ACOT2: variants seen among roughly 807,000 people sequenced by gnomAD.
The protein encoded by ACOT2 is acyl-coenzyme A thioesterase 2, mitochondrial.
In ACOT2, 15 loss-of-function variants were observed where a neutral mutation model predicts 20.1. That is an observed-to-expected ratio of 0.75 (90% CI 0.50 to 1.15). ACOT2 has a LOEUF of 1.15. Among genes scored for constraint, ACOT2 ranks in the 50% most tolerant of loss-of-function variants. ACOT2 has a pLI of 0.00. For missense variants in ACOT2, 479 were observed against 615.3 expected (o/e 0.78, Z 2.34); for synonymous variants, 252 against 268.4 (o/e 0.94, Z 0.60).
intron 1 of ACOT2, among the ~76,000 whole-genome samples, chr14:73,572,769 C>G (rs1007974952): frequency 6.7e-6 from 1 of 149,442 alleles, no homozygotes; most frequent in Non-Finnish European, 1.5e-5. Context: ...CCTCAGCCTC[C>G]CGAGTAGCTG....
chr14:73,575,503 C>T lies in ACOT2; in HGVS notation c.1442C>T (p.Ser481Leu), dbSNP rs779315637. 58 of 1,510,774 alleles carry T rather than the reference C, an allele frequency of 3.8e-5. No individual in the cohort carries two copies. In the South Asian group the frequency reaches 7.2e-4, roughly 19 times the overall value. The allele number at this position is 1,510,774 out of a possible 1,614,324, so 93.6% of individuals were successfully genotyped here. The change falls in exon 3 of 3, where the codon TCA becomes TTA. Residue 481 changes from serine to leucine, a missense_variant. Around this residue, in one of 4 missense-constraint regions of ACOT2, gnomAD observed 40 missense variants for 93.4 expected, o/e 0.43. Transcript: ENST00000238651. ...GGTGGCCACGAGGGGACAATCCCATCAAAAGTGTAAATTTTATTTGATCAT... is the reference window on the plus strand; with the variant it reads ...GGTGGCCACGAGGGGACAATCCCATTAAAAGTGTAAATTTTATTTGATCAT... ...HLGGHEGTIP[S>L]KV
rs765158390 is a variant in ACOT2, at chr14:73,573,446, G to A, written c.702G>A (p.Glu234=). The change falls in exon 2 of 3, where the codon GAG becomes GAA. Residue 234 remains glutamate (E), a synonymous_variant. Transcript: ENST00000238651. Reference sequence around the variant, plus strand: ...TCGGAACTGGAGGTGGCCTGCTGGAGTATCGGGCTAGTCTGCTGGCTGGGA... The same window carrying A: ...TCGGAACTGGAGGTGGCCTGCTGGAATATCGGGCTAGTCTGCTGGCTGGGA... ...DMFGTGGGLL[E]YRASLLAGKG... The A allele has an allele frequency of 7.4e-6, 12 of 1,613,780 alleles. No homozygotes were observed. The South Asian group carries it at 1.2e-4, about 16-fold the overall frequency.
In ACOT2 at chr14:73,569,610, C is replaced by T. The variant is rs1566858406; in HGVS notation, c.370C>T (p.Leu124=). Residue 124 remains leucine (L), a synonymous_variant, in exon 1 of 3, where the codon CTG becomes TTG. Transcript: ENST00000238651. ...CGCCGACACTCTTGGCGAGCTGGAC[C>T]TGGAGCGCGCGCCCGCGCTGGGCGG... is the stretch of plus-strand genomic sequence containing the variant. ...YRADTLGELD[L]ERAPALGGSF... The T allele has an allele frequency of 7.5e-6, 12 of 1,600,868 alleles. No homozygotes were observed. The highest frequency in any genetic ancestry group is 1.7e-5 in the Admixed American group (1 of 59,168).
chr14:73,573,872 A>C (rs1419417906), intron 2 of ACOT2, among the ~76,000 whole-genome samples: 1 of 151,864 alleles, frequency 6.6e-6, no homozygotes, highest in Non-Finnish European at 1.5e-5. Context: ...GATTACAGGC[A>C]CCTGCCACCA....
At position 73,574,797 on chromosome 14, in the gene ACOT2, T is replaced by C. The variant is rs938929409; in HGVS notation, c.847-111T>C. 8.1e-5 allele frequency: 128 copies of C among 1,571,394 alleles called. 1 individual carries two copies. Among genetic ancestry groups the C allele is most frequent in the Non-Finnish European group, 1.1e-4 (128 of 1,152,902 alleles). On this transcript the variant is annotated intron_variant, in intron 2 of 2. Coordinates refer to ENST00000238651, the MANE Select transcript of ACOT2 (RefSeq NM_006821.6). ...CAAAGTTGCAAATCTGGGTAAATGG[T>C]AGAACCTAGATTCAGACTCAGGTTC...
At position 73,569,598 on chromosome 14, in the gene ACOT2, G is replaced by T. The variant is rs764500380; in HGVS notation, c.358G>T (p.Gly120Cys). ...CGCGCGCTACCGCGCCGACACTCTT[G>T]GCGAGCTGGACCTGGAGCGCGCGCC... ...AHARYRADTL[G>C]ELDLERAPAL... Residue 120 changes from glycine to cysteine, a missense_variant, in exon 1 of 3, where the codon GGC becomes TGC. This residue lies in a region of ACOT2 where 400 missense variants were observed against 395.5 expected (regional missense o/e 1.01). Transcript: ENST00000238651. 1 of 1,601,856 alleles carries T rather than the reference G, an allele frequency of 6.2e-7. No homozygotes were observed. Among genetic ancestry groups the T allele is most frequent in the Non-Finnish European group, 8.5e-7 (1 of 1,176,154 alleles).
Position 73,575,254 on chromosome 14 carries a change from A to T in ACOT2, c.1193A>T (p.Asn398Ile). 1 of 872,330 alleles carries T rather than the reference A, an allele frequency of 1.1e-6. No homozygotes were observed. Among genetic ancestry groups the T allele is most frequent in the South Asian group, 1.7e-5 (1 of 58,518 alleles). The allele number at this position is 872,330 out of a possible 1,614,324, so 54.0% of individuals were successfully genotyped here. Reference protein sequence around the residue: ...DHNWKSEFYANEACKRLQAHG... With the variant: ...DHNWKSEFYAIEACKRLQAHG... ...AACTGGAAGAGTGAGTTCTATGCTA[A>T]TGAGGCCTGTAAACGCTTGCAGGCC... The change falls in exon 3 of 3, where the codon AAT becomes ATT. Residue 398 changes from asparagine (N) to isoleucine (I), a missense_variant. Around this residue, in one of 4 missense-constraint regions of ACOT2, gnomAD observed 40 missense variants for 93.4 expected, o/e 0.43. Coordinates refer to ENST00000238651, the MANE Select transcript of ACOT2 (RefSeq NM_006821.6).
At chr14:73,568,715 T>G (rs1198409557), upstream of ACOT2, among the ~76,000 whole-genome samples, 1 of 151,958 alleles carries the variant, frequency 6.6e-6, no homozygotes, top group African/African-American at 2.4e-5. Context: ...GTCAGGAGTT[T>G]GAGAAATTAC....
At chr14:73,570,472 G>A (rs1436896750) in intron 1 of ACOT2, among the ~76,000 whole-genome samples, 2 of 151,994 alleles carry the variant, frequency 1.3e-5, no homozygotes. Flanking sequence ...GGGAGGCTGA[G>A]GCAGGAGAAT....
Position 73,573,452 on chromosome 14 carries a change from G to A in ACOT2, c.708G>A (p.Arg236=). The change falls in exon 2 of 3, where the codon CGG becomes CGA. Residue 236 remains arginine, a synonymous_variant. Transcript: ENST00000238651. The part of the protein sequence containing the change: ...FGTGGGLLEY[R]ASLLAGKGFA... ...CTGGAGGTGGCCTGCTGGAGTATCG[G>A]GCTAGTCTGCTGGCTGGGAAGGGTT... The A allele has an allele frequency of 1.2e-6, 2 of 1,613,652 alleles. No homozygotes were observed. Among genetic ancestry groups the A allele is most frequent in the Non-Finnish European group, 1.7e-6 (2 of 1,179,704 alleles).
At chr14:73,570,976 CTTT>C (rs369680117) in intron 1 of ACOT2, among the ~76,000 whole-genome samples, 6 of 74,366 alleles carry the variant, frequency 8.1e-5, no homozygotes, top group African/African-American at 3.2e-4. Flanking sequence ...TAGGAAGCCA[CTTT>C]TTTTTTTTTT....
Position 73,569,707 on chromosome 14 carries a change from T to A in ACOT2, c.467T>A (p.Val156Glu), listed in dbSNP as rs770195402. 3 of 1,602,136 alleles carry A rather than the reference T, an allele frequency of 1.9e-6. No homozygotes were observed. Among genetic ancestry groups the A allele is most frequent in the East Asian group, 2.3e-5 (1 of 44,066 alleles). ...LEPEKPLVRLVKRDVRTPLAV... is the reference protein window; with the variant it reads ...LEPEKPLVRLEKRDVRTPLAV... ...CCCGAGAAACCTTTGGTGCGGCTGG[T>A]GAAGCGCGACGTGCGAACGCCCTTG... The change falls in exon 1 of 3, where the codon GTG (valine) becomes GAG (glutamate). Residue 156 changes from valine (V) to glutamate (E), a missense_variant. By Grantham distance (121) the Val-to-Glu change is moderately radical. Transcript: ENST00000238651.
chr14:73,573,255 T>G, intron 1 of ACOT2, 133 bp from the exon 2 acceptor site: 1 of 1,345,788 alleles, frequency 7.4e-7, no homozygotes, highest in Non-Finnish European at 1.1e-6. Flanking sequence ...ACGAACAGGT[T>G]TTCATTTCTC....
upstream of ACOT2, among the ~76,000 whole-genome samples, chr14:73,568,573 A>G (rs1161844495): frequency 2.6e-5 from 4 of 152,042 alleles, no homozygotes; most frequent in Non-Finnish European, 4.4e-5. Flanking sequence ...CTCAAAAAAA[A>G]AAAGTAACCC....
At chr14:73,568,377 G>T (rs1488547177), upstream of ACOT2, among the ~76,000 whole-genome samples, 7 of 151,826 alleles carry the variant, frequency 4.6e-5, no homozygotes, top group Non-Finnish European at 1.0e-4. Context: ...CACACCTCTG[G>T]TGAAACCAAT....
chr14:73,569,857 T>C lies in ACOT2; in HGVS notation c.617T>C (p.Val206Ala). 1 of 1,604,906 alleles carries C rather than the reference T, an allele frequency of 6.2e-7. No individual in the cohort carries two copies. The highest frequency in any genetic ancestry group is 8.5e-7 in the Non-Finnish European group (1 of 1,176,276). Residue 206 changes from valine to alanine, a missense_variant, in exon 1 of 3, where the codon GTG becomes GCG. Physicochemically the swap from Val to Ala is moderately conservative, Grantham distance 64. This residue lies in a region of ACOT2 where 400 missense variants were observed against 395.5 expected (regional missense o/e 1.01). Transcript: ENST00000238651. ...VRREPVRVGRVRGTLFLPPEP... is the reference protein window; with the variant it reads ...VRREPVRVGRARGTLFLPPEP... ...CGCGAGCCGGTGCGCGTGGGCCGGG[T>C]GCGAGGCACGCTCTTCCTGCCGCCA...
At chr14:73,569,932 T>A (rs1889686426) in intron 1 of ACOT2, 49 bp downstream of exon 1, 1 of 1,563,650 alleles carries the variant, frequency 6.4e-7, no homozygotes, top group African/African-American at 1.4e-5. Context: ...TTTCACTTTG[T>A]GTGTCTCCCC....
At chr14:73,569,174 T>C, upstream of ACOT2, 1 of 1,572,102 alleles carries the variant, frequency 6.4e-7, no homozygotes, top group Non-Finnish European at 8.7e-7. Context: ...ACTCTGGCCT[T>C]CCCCGCTCAC....
rs1889673630 is a variant in ACOT2, at chr14:73,569,662, G to C, written c.422G>C (p.Gly141Ala). The C allele has an allele frequency of 6.2e-7, 1 of 1,607,202 alleles. No homozygotes were observed. Among genetic ancestry groups the C allele is most frequent in the Admixed American group, 1.7e-5 (1 of 59,718 alleles). The change falls in exon 1 of 3, where the codon GGG (glycine) becomes GCG (alanine). Residue 141 changes from glycine to alanine, a missense_variant. By Grantham distance (60) the Gly-to-Ala change is moderately conservative. This residue lies in a region of ACOT2 where 400 missense variants were observed against 395.5 expected (regional missense o/e 1.01). Coordinates refer to ENST00000238651, the MANE Select transcript of ACOT2 (RefSeq NM_006821.6). ...AGCTTCGCGGGGCTTGAGCCCATGG[G>C]GCTGCTCTGGGCCTTGGAGCCCGAG... ...GGSFAGLEPM[G>A]LLWALEPEKP... is the part of the protein sequence containing the mutation.
Sources: gnomAD v4.1 joint callset for allele counts (sites outside exome capture counted in the v4.1 genomes callset) on GRCh38, gnomAD v4.1.1 for gene constraint, gnomAD v4.1.1 regional missense constraint, MANE v1.5 for transcripts, NCBI Gene and HGNC (gene_info 2026-07-23, HGNC 2026-07-21) for gene names.